Variants in VWDE observed in about 807,000 individuals in gnomAD.
VWDE encodes the protein von Willebrand factor D and EGF domain-containing protein.
Under a neutral mutation model 178.4 loss-of-function variants are expected in VWDE, and 207 were observed. The observed-to-expected ratio is 1.16, with a 90% confidence interval of 1.04 to 1.30. The LOEUF is 1.30. Ranked by LOEUF, VWDE falls within the 50% of genes most tolerant of loss-of-function variation. The pLI is 0.00. For missense variants in VWDE, 2,287 were observed against 1,901.3 expected (o/e 1.20, Z -3.77); for synonymous variants, 738 against 651.4 (o/e 1.13, Z -2.02).
In VWDE at chr7:12,380,633, A is replaced by G. The variant is rs1783801193; in HGVS notation, c.642T>C (p.Val214=). Residue 214 remains valine, a synonymous_variant, in exon 5 of 29, where the codon GTT becomes GTC. Transcript: ENST00000275358. ...SRLFCRCSFD[V]PATKNSVGFH... The stretch of plus-strand genomic sequence containing the variant: ...ATCCCACTGAGTTTTTTGTAGCGGG[A>G]ACATCAAAAGAACACCTACAGAAAA... The G allele has an allele frequency of 6.4e-7, 1 of 1,552,156 alleles. No homozygotes were observed. Among genetic ancestry groups the G allele is most frequent in the Admixed American group, 2.0e-5 (1 of 50,984 alleles).
At chr7:12,347,137 G>A (rs1310486715) in intron 19 of VWDE, among the ~76,000 whole-genome samples, 1 of 152,128 alleles carries the variant, frequency 6.6e-6, no homozygotes, top group Non-Finnish European at 1.5e-5. Flanking sequence ...GCAGTCCCCA[G>A]AAGAACTGCT....
At chr7:12,364,677 A>C (rs970845755) in intron 13 of VWDE, among the ~76,000 whole-genome samples, 1 of 152,148 alleles carries the variant, frequency 6.6e-6, no homozygotes. Context: ...TGTGTAGAAG[A>C]AATGATGGAA....
intron 18 of VWDE, among the ~76,000 whole-genome samples, chr7:12,352,901 C>T (rs1583292512): frequency 6.6e-6 from 1 of 152,090 alleles, no homozygotes; most frequent in African/African-American, 2.4e-5. Flanking sequence ...GTCCATTTTC[C>T]TCTAAATCTA....
rs978732150 is a variant in VWDE, at chr7:12,393,658, G to A, written c.179C>T (p.Ser60Phe). 43 of 1,551,150 alleles carry A rather than the reference G, an allele frequency of 2.8e-5. No homozygotes were observed. The highest frequency in any genetic ancestry group is 3.7e-5 in the Non-Finnish European group (43 of 1,146,698). Residue 60 changes from serine to phenylalanine, a missense_variant, in exon 2 of 29, where the codon TCC becomes TTC. Transcript: ENST00000275358. ...VQDLICDHSL[S>F]PGWYRFLILD... ...GATGAGAAATCTATACCATCCAGGG[G>A]AGAGGGAATGGTCACATATTAGGTC...
chr7:12,359,531 AAAATGTCTTGTATAGG>A, intron 16 of VWDE, 31 bp downstream of exon 16: 2 of 1,326,000 alleles, frequency 1.5e-6, no homozygotes, highest in Non-Finnish European at 2.1e-6. Flanking sequence ...AACCACTTTT[AAAATGTCTTGTATAGG>A]AAATATTTGG....
At chr7:12,336,116 T>C (rs1583268920) in intron 27 of VWDE, 25 bp downstream of exon 27, 4 of 1,531,710 alleles carry the variant, frequency 2.6e-6, no homozygotes, top group African/African-American at 1.4e-5. Flanking sequence ...GAACATATAG[T>C]AGGAAAAACA....
At chr7:12,346,354 A>C (rs1781597911) in intron 19 of VWDE, among the ~76,000 whole-genome samples, 1 of 152,156 alleles carries the variant, frequency 6.6e-6, no homozygotes, top group Non-Finnish European at 1.5e-5. Flanking sequence ...TCACTATGAA[A>C]CAATCATTGA....
intron 9 of VWDE, among the ~76,000 whole-genome samples, chr7:12,373,606 AC>A (rs1168335848): frequency 6.6e-6 from 1 of 151,540 alleles, no homozygotes; most frequent in Non-Finnish European, 1.5e-5. Flanking sequence ...TTCCCTTTCC[AC>A]CCAATTTAGT....
In VWDE at chr7:12,399,620, TC is replaced by T. The variant is rs567220317; in HGVS notation, c.58+4038del. On this transcript the variant is annotated intron_variant, in intron 1 of 28. Transcript: ENST00000275358. ...CCTAAAAATATCAGAATATAAATTT[TC>T]CCCAAGTGCACATGGAATATTCGCC... Among the ~76,000 whole-genome samples, 544 of 152,142 alleles carry T rather than the reference TC, an allele frequency of 3.6e-3. 3 individuals carry two copies. In the Middle Eastern group the frequency reaches 0.048, roughly 13 times the overall value.
rs1455788482 is a variant in VWDE, at chr7:12,375,116, G to A, written c.1136C>T (p.Ala379Val). The change falls in exon 8 of 29, where the codon GCT (alanine) becomes GTT (valine). Residue 379 changes from alanine (A) to valine (V), a missense_variant. Transcript: ENST00000275358. ...TCSHTFVYYT[A>V]VTDFSRDGDR... is the part of the protein sequence containing the mutation. ...TCCATCTCGAGAAAAATCTGTGACA[G>A]CAGTGTAGTACACAAAAGTGTGGCT... The A allele has an allele frequency of 1.5e-5, 23 of 1,551,100 alleles. No homozygotes were observed. The Admixed American group carries it at 4.5e-4, about 30-fold the overall frequency.
Position 12,370,307 on chromosome 7 carries a change from C to T in VWDE, c.1999G>A (p.Val667Ile). 1 of 1,551,178 alleles carries T rather than the reference C, an allele frequency of 6.4e-7. No individual in the cohort carries two copies. The highest frequency in any genetic ancestry group is 8.7e-7 in the Non-Finnish European group (1 of 1,146,822). Residue 667 changes from valine to isoleucine, a missense_variant, in exon 12 of 29, where the codon GTC (valine) becomes ATC (isoleucine). By Grantham distance (29) the Val-to-Ile change is conservative. Coordinates refer to ENST00000275358, the MANE Select transcript of VWDE (RefSeq NM_001135924.3). Reference sequence around the variant, plus strand: ...TCTGAATTAATATATTCGGAGGTGACATCTAGTTCTGGTATCAAAGAAGAT... The same window carrying T: ...TCTGAATTAATATATTCGGAGGTGATATCTAGTTCTGGTATCAAAGAAGAT... ...SLSSLIPELD[V>I]TSEYINSDTL...
At chr7:12,389,426 T>C in intron 2 of VWDE, 68 bp from the exon 3 acceptor site, 1 of 1,125,522 alleles carries the variant, frequency 8.9e-7, no homozygotes, top group Non-Finnish European at 1.3e-6. Context: ...TATATCAACT[T>C]TGCATTTTAT....
intron 10 of VWDE, among the ~76,000 whole-genome samples, chr7:12,371,185 G>A (rs7786075): frequency 0.83 from 125,616 of 152,114 alleles, 51,976 homozygotes; most frequent in Admixed American, 0.85. Context: ...GAGGATGTTT[G>A]CCAAGTAATG....
chr7:12,377,448 C>T lies in VWDE; in HGVS notation c.1024+328G>A, dbSNP rs953748529. On this transcript the variant is annotated intron_variant, in intron 7 of 28. Transcript: ENST00000275358. The stretch of plus-strand genomic sequence containing the variant: ...CAGTTTTTCCCTCGTTTTCTGTAAA[C>T]TAAGCAAACAGAGGAATAAACAGGA... The T allele has an allele frequency of 1.8e-5, 3 of 168,188 alleles. No individual in the cohort carries two copies. In the Admixed American group the frequency reaches 1.9e-4, roughly 11 times the overall value. The allele number at this position is 168,188 out of a possible 1,614,324, so 10.4% of individuals were successfully genotyped here.
intron 11 of VWDE, 58 bp from the exon 12 acceptor site, chr7:12,370,567 A>G: frequency 6.5e-7 from 1 of 1,528,768 alleles, no homozygotes; most frequent in Non-Finnish European, 8.8e-7. Context: ...TTGTTTCCTA[A>G]TATGTGTTGC....
intron 19 of VWDE, among the ~76,000 whole-genome samples, chr7:12,350,632 G>GT (rs1781877771): frequency 6.6e-6 from 1 of 152,044 alleles, no homozygotes; most frequent in African/African-American, 2.4e-5. Flanking sequence ...CAATGAGAGC[G>GT]TAAGTTTGAG....
At position 12,403,642 on chromosome 7, in the gene VWDE, C is replaced by A; in HGVS notation, c.58+17G>T. 1 of 1,536,570 alleles carries A rather than the reference C, an allele frequency of 6.5e-7. No individual in the cohort carries two copies. On this transcript the variant is annotated intron_variant, in intron 1 of 28. Coordinates refer to ENST00000275358, the MANE Select transcript of VWDE (RefSeq NM_001135924.3). Reference sequence around the variant, plus strand: ...GCGCCACTGCGCGCCCACCCCCGCGCGCCCTACCTCGCTTACCTTCCCCCC... The same window carrying A: ...GCGCCACTGCGCGCCCACCCCCGCGAGCCCTACCTCGCTTACCTTCCCCCC...
chr7:12,389,283 T>C lies in VWDE; in HGVS notation c.319A>G (p.Ile107Val), dbSNP rs1269462066. 6.4e-7 allele frequency: 1 copy of C among 1,551,516 alleles called. No individual in the cohort carries two copies. Among genetic ancestry groups the C allele is most frequent in the African/African-American group, 1.4e-5 (1 of 73,016 alleles). The change falls in exon 3 of 29, where the codon ATC becomes GTC. Residue 107 changes from isoleucine to valine, a missense_variant. Transcript: ENST00000275358. ...GTTGCACAAGCTGTCAATTGCTTGA[T>C]CTCCCCAGGAGATGGCAGTGTTTCT... Reference protein sequence around the residue: ...DSETLPSPGEIKQLTACATWQ... With the variant: ...DSETLPSPGEVKQLTACATWQ...
chr7:12,348,840 C>T (rs377164239), intron 19 of VWDE, among the ~76,000 whole-genome samples: 23 of 151,328 alleles, frequency 1.5e-4, no homozygotes, highest in South Asian at 2.1e-4. Context: ...TGTCCAACAA[C>T]GATAGACTGG....
Sources: allele counts gnomAD v4.1 joint callset (sites outside exome capture counted in the v4.1 genomes callset), GRCh38; gene constraint gnomAD v4.1.1; transcripts MANE v1.5; gene names NCBI Gene and HGNC (gene_info 2026-07-23, HGNC 2026-07-21).